TET3: variants seen among roughly 807,000 people sequenced by gnomAD.
TET3 encodes methylcytosine dioxygenase TET3.
A neutral mutation model predicts 141.4 loss-of-function variants in TET3; 19 were observed. The observed-to-expected ratio is 0.13, with a 90% CI of 0.09 to 0.20. TET3 has a LOEUF of 0.20. TET3 is among the 10% of genes least tolerant of loss of function. The pLI, the probability that TET3 is intolerant of heterozygous loss-of-function variation, is 1.00. For synonymous variants in TET3, 1,043 were observed against 980.9 expected, an observed-to-expected ratio of 1.06 and a Z score of -1.18; for missense variants, 1,874 against 2,356.9, an observed-to-expected ratio of 0.80 and a Z score of 4.24.
At chr2:74,116,493 C>T in the TET3 span, among the ~76,000 whole-genome samples, 18 of 151,780 alleles carry the variant, frequency 1.2e-4, no homozygotes, top group African/African-American at 4.1e-4. Flanking sequence ...GACCAGCCAA[C>T]ATGGTGAAAT....
At chr2:74,020,321 C>T (rs1685966685) in intron 3 of TET3, among the ~76,000 whole-genome samples, 1 of 152,072 alleles carries the variant, frequency 6.6e-6, no homozygotes, top group South Asian at 2.1e-4. Flanking sequence ...GTAGTTGGGA[C>T]TACAGGTGCA....
rs541033557 is a variant in TET3, at chr2:73,986,655, C to T, written c.252C>T (p.Cys84=). The T allele has an allele frequency of 3.2e-6, 4 of 1,232,126 alleles. No individual in the cohort carries two copies. The highest frequency in any genetic ancestry group is 4.0e-6 in the Non-Finnish European group (4 of 987,992). 76.3% of individuals were successfully genotyped at this position (1,232,126 alleles called of 1,614,324 possible). A position where few individuals can be genotyped will look rare whatever the true frequency, so the allele number is the denominator to read the frequency against. Residue 84 remains cysteine (C), a synonymous_variant, in exon 2 of 12, where the codon TGC becomes TGT. Coordinates refer to ENST00000409262, the MANE Select transcript of TET3 (RefSeq NM_001287491.2). ...CCAACCGCCGCACGCACCAGATCTG[C>T]AAACTGCGAAAATGTGAGGTGCTGA... ...SCTNRRTHQI[C]KLRKCEVLKK... is the part of the protein sequence containing the mutation.
intron 3 of TET3, among the ~76,000 whole-genome samples, chr2:74,003,529 C>T (rs10166357): frequency 0.13 from 15,169 of 117,402 alleles, 937 homozygotes; most frequent in Middle Eastern, 0.21. Context: ...ATCCAATCTG[C>T]AGAAATCCCG....
Position 74,101,550 on chromosome 2 carries a change from T to C in TET3, c.4762T>C (p.Ser1588Pro), listed in dbSNP as rs970567249. 1 of 1,609,700 alleles carries C rather than the reference T, an allele frequency of 6.2e-7. No individual in the cohort carries two copies. Among genetic ancestry groups the C allele is most frequent in the Non-Finnish European group, 8.5e-7 (1 of 1,177,914 alleles). The change falls in exon 12 of 12, where the codon TCC (serine) becomes CCC (proline). Residue 1588 changes from serine to proline, a missense_variant. Physicochemically the swap from Ser to Pro is moderately conservative, Grantham distance 74. Transcript: ENST00000409262. The surrounding 1 kb of genome is among the most constrained non-coding windows in gnomAD (Gnocchi z 8.5). ...AWQSFGLPLG[S>P]SEKLFGALKS... ...GCAGTCCTTTGGTCTGCCCCTGGGA[T>C]CCAGCGAGAAGCTGTTTGGGGCTCT...
At chr2:74,099,100 C>G (rs545013369) in intron 10 of TET3, among the ~76,000 whole-genome samples, 176 bp from the exon 11 acceptor site, 10 of 152,296 alleles carry the variant, frequency 6.6e-5, no homozygotes, top group African/African-American at 2.4e-4. Context: ...GCTGGTGATA[C>G]TGTTGCCCCG....
intron 4 of TET3, among the ~76,000 whole-genome samples, chr2:74,061,540 G>A (rs1318446082): frequency 1.3e-5 from 2 of 148,294 alleles, no homozygotes; most frequent in Non-Finnish European, 3.0e-5. Context: ...CAGTAGGGGC[G>A]GCCGGGCAGA....
chr2:74,057,156 A>G (rs1053120136), intron 4 of TET3, among the ~76,000 whole-genome samples: 3 of 152,214 alleles, frequency 2.0e-5, no homozygotes, highest in African/African-American at 7.2e-5. Context: ...AAGAAAAAAT[A>G]TATGCTGAAC....
downstream of TET3, among the ~76,000 whole-genome samples, chr2:74,113,024 A>C (rs867925575): frequency 0.03 from 4,484 of 147,892 alleles, 295 homozygotes; most frequent in African/African-American, 0.1. Flanking sequence ...AAAAAAAAAA[A>C]AAAAAAAAAA....
chr2:74,125,849 G>T, the TET3 span, among the ~76,000 whole-genome samples: 3 of 152,050 alleles, frequency 2.0e-5, no homozygotes, highest in East Asian at 3.9e-4. Context: ...GTTATACTTT[G>T]TAGCTCAGTA....
rs200012860 is a variant in TET3 at position 74,048,099 on chromosome 2, C to G, written c.2182C>G (p.Pro728Ala). Residue 728 changes from proline to alanine, a missense_variant, in exon 4 of 12, where the codon CCT becomes GCT. Pro to Ala is a conservative substitution (Grantham distance 27). Around this residue, in one of 10 missense-constraint regions of TET3, gnomAD observed 484 missense variants for 462.2 expected, o/e 1.05. Coordinates refer to ENST00000409262, the MANE Select transcript of TET3 (RefSeq NM_001287491.2). The part of the protein sequence containing the change: ...FGDSFGLPGP[P>A]SVPIQDPENQ... ...AGATAGCTTTGGGCTTCCCGGCCCC[C>G]CTTCTGTGCCCATTCAGGACCCCGA... The G allele has an allele frequency of 5.4e-4, 875 of 1,613,576 alleles. No homozygotes were observed. The highest frequency in any genetic ancestry group is 6.5e-4 in the Non-Finnish European group (761 of 1,179,724).
upstream of TET3, among the ~76,000 whole-genome samples, chr2:73,984,362 C>T (rs907309069): frequency 6.6e-6 from 1 of 152,252 alleles, no homozygotes; most frequent in African/African-American, 2.4e-5. This position sits in a 1 kb window ranked among gnomAD's most constrained non-coding sequence, Gnocchi z 5.6. Context: ...CCGAGCAACC[C>T]CTTCTTGCCG....
intron 3 of TET3, 46 bp downstream of exon 3, chr2:74,003,212 G>A (rs1281526855): frequency 1.5e-5 from 23 of 1,547,998 alleles, no homozygotes; most frequent in South Asian, 4.8e-5. Context: ...GTGTGGTGGC[G>A]GTGAAGTGTT....
chr2:74,133,485 C>T, the TET3 span, among the ~76,000 whole-genome samples: 2 of 152,222 alleles, frequency 1.3e-5, no homozygotes, highest in East Asian at 1.9e-4. Flanking sequence ...GATCCACTTC[C>T]AAGGTGGCTC....
chr2:74,067,770 T>A (rs1688989978), intron 4 of TET3, among the ~76,000 whole-genome samples: 1 of 152,162 alleles, frequency 6.6e-6, no homozygotes, highest in Non-Finnish European at 1.5e-5. Context: ...GGCACTGTTG[T>A]CAGTGAGAAA....
At chr2:74,072,676 C>CTG (rs1689279128) in intron 4 of TET3, among the ~76,000 whole-genome samples, 1 of 152,150 alleles carries the variant, frequency 6.6e-6, no homozygotes, top group Non-Finnish European at 1.5e-5. Flanking sequence ...TATTGTGCAA[C>CTG]TGACACCACT....
At chr2:73,998,667 C>T (rs1446594842) in intron 2 of TET3, 1 of 152,292 alleles carries the variant, frequency 6.6e-6, no homozygotes, top group African/African-American at 2.4e-5. Flanking sequence ...AAGGCAGTTC[C>T]CATGACAACC....
intron 2 of TET3, among the ~76,000 whole-genome samples, chr2:73,991,805 C>CAAAAAA (rs772400180): frequency 1.9e-4 from 15 of 79,580 alleles, no homozygotes; most frequent in African/African-American, 5.6e-4. Context: ...AACTCTGTCT[C>CAAAAAA]AAAAAAAAAA....
rs1276768934 is a variant in TET3, at chr2:73,986,104, G to C, written c.-300G>C. On this transcript the variant is annotated 5_prime_UTR_variant, in exon 2 of 12. Coordinates refer to ENST00000409262, the MANE Select transcript of TET3 (RefSeq NM_001287491.2). ...ATGCCTGGGTCCAGGGTGGGTGAGG[G>C]TGAAGAACCCACCGGGCCAAGATGA... 1 of 263,588 alleles carries C rather than the reference G, an allele frequency of 3.8e-6. No homozygotes were observed. Among genetic ancestry groups the C allele is most frequent in the African/African-American group, 2.2e-5 (1 of 45,582 alleles). 16.3% of individuals were successfully genotyped at this position (263,588 alleles called of 1,614,324 possible).
At chr2:74,006,387 G>T (rs1685150405) in intron 3 of TET3, among the ~76,000 whole-genome samples, 1 of 152,236 alleles carries the variant, frequency 6.6e-6, no homozygotes, top group African/African-American at 2.4e-5. Context: ...CCATCTCCTT[G>T]GTGACCCTCA....
Sources: allele counts gnomAD v4.1 joint callset (sites outside exome capture counted in the v4.1 genomes callset), GRCh38; gene constraint gnomAD v4.1.1; regional missense constraint gnomAD v4.1.1; non-coding constraint Gnocchi (gnomAD v3.1); transcripts MANE v1.5; gene names NCBI Gene and HGNC (gene_info 2026-07-23, HGNC 2026-07-21).